The following CLNK variants were observed in gnomAD, a reference collection of about 807,000 sequenced individuals.
The protein encoded by CLNK is cytokine-dependent hematopoietic cell linker.
A neutral mutation model predicts 68.6 loss-of-function variants in CLNK; 74 were observed. The ratio of observed to expected loss-of-function variants is 1.08; its 90% CI spans 0.89 to 1.31. CLNK has a LOEUF of 1.31. Among genes scored for constraint, CLNK ranks in the 50% most tolerant of loss-of-function variants. CLNK has a pLI of 0.00. For synonymous variants in CLNK, 198 were observed against 172.2 expected (o/e 1.15, Z -1.17); for missense variants, 553 against 515.3 (o/e 1.07, Z -0.71).
At chr4:10,686,338 G>A (rs570475908), upstream of CLNK, among the ~76,000 whole-genome samples, 8 of 152,148 alleles carry the variant, frequency 5.3e-5, no homozygotes, top group African/African-American at 1.9e-4. Context: ...GGTAGTGGGG[G>A]GTTAGGACTT....
chr4:10,668,011 G>T, intron 1 of CLNK, 100 bp from the exon 2 acceptor site: 1 of 567,834 alleles, frequency 1.8e-6, no homozygotes, highest in Non-Finnish European at 3.0e-6. Context: ...GGATACAGGT[G>T]CTGGTTTAAA....
the CLNK span, among the ~76,000 whole-genome samples, chr4:10,729,548 T>C: frequency 6.6e-6 from 1 of 152,066 alleles, no homozygotes; most frequent in African/African-American, 2.4e-5. Flanking sequence ...TGTTACACAC[T>C]CACCCACACC....
At chr4:10,657,290 C>A (rs1374779961) in intron 2 of CLNK, among the ~76,000 whole-genome samples, 3 of 152,036 alleles carry the variant, frequency 2.0e-5, no homozygotes, top group Non-Finnish European at 2.9e-5. Flanking sequence ...AATGATTAAC[C>A]CACACTTCAG....
intron 3 of CLNK, among the ~76,000 whole-genome samples, chr4:10,586,471 C>A (rs144706162): frequency 2.0e-5 from 3 of 151,594 alleles, no homozygotes; most frequent in Non-Finnish European, 4.4e-5. Context: ...CGTGCCACCA[C>A]GCCTGGCTAA....
At chr4:10,528,642 C>T (rs903757684) in intron 12 of CLNK, among the ~76,000 whole-genome samples, 1 of 151,956 alleles carries the variant, frequency 6.6e-6, no homozygotes, top group African/African-American at 2.4e-5. Flanking sequence ...AAGTAGGCAC[C>T]CATGTTACAT....
intron 1 of CLNK, among the ~76,000 whole-genome samples, chr4:10,680,632 C>T (rs1051522628): frequency 6.6e-6 from 1 of 151,996 alleles, no homozygotes. Context: ...ATAGCCACTA[C>T]CATTTACTTT....
intron 2 of CLNK, among the ~76,000 whole-genome samples, chr4:10,634,754 T>C (rs1480661158): frequency 6.6e-6 from 1 of 152,166 alleles, no homozygotes; most frequent in African/African-American, 2.4e-5. Flanking sequence ...GGAGAACAAT[T>C]TGGCTTTTCC....
intron 11 of CLNK, among the ~76,000 whole-genome samples, chr4:10,540,281 C>T (rs1265262037): frequency 6.6e-5 from 10 of 152,196 alleles, no homozygotes; most frequent in Non-Finnish European, 1.0e-4. Flanking sequence ...TTGTAAGTTT[C>T]GTGAGGCTTC....
intron 2 of CLNK, among the ~76,000 whole-genome samples, chr4:10,643,249 C>T (rs1218424150): frequency 6.6e-6 from 1 of 152,240 alleles, no homozygotes; most frequent in Non-Finnish European, 1.5e-5. Context: ...TGACTTCACA[C>T]TCATGAGATA....
At chr4:10,519,441 T>C (rs1049055289) in intron 15 of CLNK, among the ~76,000 whole-genome samples, 2 of 152,228 alleles carry the variant, frequency 1.3e-5, no homozygotes, top group African/African-American at 4.8e-5. Flanking sequence ...CCCTGGACTT[T>C]CCTCCTGGAT....
At chr4:10,661,255 C>T (rs1032048613) in intron 2 of CLNK, among the ~76,000 whole-genome samples, 3 of 152,160 alleles carry the variant, frequency 2.0e-5, no homozygotes, top group Non-Finnish European at 4.4e-5. Flanking sequence ...TTGGGCAGCT[C>T]CTGTGTGCCA....
intron 2 of CLNK, among the ~76,000 whole-genome samples, chr4:10,625,424 C>T (rs889993201): frequency 9.8e-5 from 15 of 152,338 alleles, no homozygotes; most frequent in African/African-American, 3.4e-4. Flanking sequence ...GGGCTTGTTG[C>T]TCTCTTTCCA....
At chr4:10,575,850 T>C (rs1720541696) in intron 4 of CLNK, among the ~76,000 whole-genome samples, 1 of 152,256 alleles carries the variant, frequency 6.6e-6, no homozygotes, top group South Asian at 2.1e-4. Context: ...TAAACCTTTA[T>C]TATATTCCAC....
chr4:10,624,385 T>C lies in CLNK; in HGVS notation c.12-26336A>G, dbSNP rs548139528. Among the ~76,000 whole-genome samples the C allele has an allele frequency of 4.6e-5, 7 of 152,268 alleles. No homozygotes were observed. The East Asian group carries it at 7.8e-4, about 17-fold the overall frequency. ...TCGGCTCACTGCAAGCTCCGCCTCC[T>C]GGGTTCACGCCATTCTCCTGCCTCA... On this transcript the variant is annotated intron_variant, in intron 2 of 18. Transcript: ENST00000226951.
the CLNK span, among the ~76,000 whole-genome samples, chr4:10,699,310 C>CGTGTGTGTATACACACACCACATACGTGT: frequency 3.8e-4 from 13 of 34,420 alleles, no homozygotes; most frequent in Middle Eastern, 0.028. Context: ...ACACCACATA[C>CGTGTGTGTATACACACACCACATACGTGT]GTGTATACAC....
intron 2 of CLNK, among the ~76,000 whole-genome samples, chr4:10,643,845 A>G (rs1723409910): frequency 6.6e-6 from 1 of 152,222 alleles, no homozygotes; most frequent in Admixed American, 6.5e-5. Flanking sequence ...CAATTATTTT[A>G]TGCTCTTAGA....
At chr4:10,653,121 A>G (rs1330036675) in intron 2 of CLNK, among the ~76,000 whole-genome samples, 1 of 152,184 alleles carries the variant, frequency 6.6e-6, no homozygotes, top group Non-Finnish European at 1.5e-5. Context: ...GTTCTCACTC[A>G]TAAGTGGGAG....
the CLNK span, among the ~76,000 whole-genome samples, chr4:10,700,137 A>C: frequency 1.2e-4 from 18 of 152,240 alleles, no homozygotes; most frequent in East Asian, 3.5e-3. Context: ...AAAGGGAAGA[A>C]TGGCTAGCTA....
intron 18 of CLNK, among the ~76,000 whole-genome samples, chr4:10,493,491 A>G (rs1238734326): frequency 6.6e-6 from 1 of 152,142 alleles, no homozygotes; most frequent in Non-Finnish European, 1.5e-5. Context: ...CCAAAGAGCA[A>G]TGCACTCTTT....
Sources: allele counts gnomAD v4.1 joint callset (sites outside exome capture counted in the v4.1 genomes callset), GRCh38; gene constraint gnomAD v4.1.1; transcripts MANE v1.5; gene names NCBI Gene and HGNC (gene_info 2026-07-23, HGNC 2026-07-21).